CD200R1: variants seen among roughly 807,000 people sequenced by gnomAD.
CD200R1 encodes the protein cell surface glycoprotein CD200 receptor 1.
In CD200R1, 30 loss-of-function variants were observed where a neutral mutation model predicts 38.1. The observed-to-expected ratio is 0.79, with a 90% CI of 0.59 to 1.07. CD200R1 has a LOEUF of 1.07. CD200R1 is among the 50% of genes least tolerant of loss of function. The pLI is 0.00. For synonymous variants in CD200R1, 128 were observed against 152.1 expected, an observed-to-expected ratio of 0.84 and a Z score of 1.16; for missense variants, 372 against 415.4, an observed-to-expected ratio of 0.90 and a Z score of 0.91.
At chr3:112,948,833 C>A (rs1338592745) in intron 1 of CD200R1, among the ~76,000 whole-genome samples, 3 of 152,184 alleles carry the variant, frequency 2.0e-5, no homozygotes, top group Non-Finnish European at 4.4e-5. Flanking sequence ...ACAGAGATAT[C>A]ATAATAAACA....
At chr3:112,963,403 C>T (rs781133277) in intron 1 of CD200R1, among the ~76,000 whole-genome samples, 49 of 152,288 alleles carry the variant, frequency 3.2e-4, no homozygotes, top group Non-Finnish European at 5.4e-4. Context: ...GGCCAAAATG[C>T]TGATAATGAT....
intron 1 of CD200R1, among the ~76,000 whole-genome samples, chr3:112,969,622 G>A (rs1182284765): frequency 6.6e-6 from 1 of 152,124 alleles, no homozygotes; most frequent in Non-Finnish European, 1.5e-5. Context: ...CATATCCAAC[G>A]ACTGATTTAG....
intron 5 of CD200R1, among the ~76,000 whole-genome samples, chr3:112,926,921 C>A (rs1336853207): frequency 6.6e-6 from 1 of 151,928 alleles, no homozygotes; most frequent in Non-Finnish European, 1.5e-5. Flanking sequence ...TTAGTATACA[C>A]AAAACTCCAG....
chr3:112,938,697 T>C (rs1301890274), intron 2 of CD200R1, among the ~76,000 whole-genome samples: 2 of 152,034 alleles, frequency 1.3e-5, no homozygotes, highest in Non-Finnish European at 2.9e-5. Context: ...TACCAGTCCT[T>C]GATACACAGA....
chr3:112,928,819 G>A lies in CD200R1; in HGVS notation c.766C>T (p.Pro256Ser), dbSNP rs891783770. The A allele has an allele frequency of 1.9e-6, 3 of 1,606,288 alleles. No homozygotes were observed. The highest frequency in any genetic ancestry group is 1.7e-5 in the Admixed American group (1 of 59,646). Residue 256 changes from proline (P) to serine (S), a missense_variant, in exon 5 of 8, where the codon CCT (proline) becomes TCT (serine). By Grantham distance (74) the Pro-to-Ser change is moderately conservative. Coordinates refer to ENST00000308611, the MANE Select transcript of CD200R1 (RefSeq NM_138806.4). ...TAAAACTAAAAGAATTACTGACCAG[G>A]AAGTAGCTCTATGTACAGACTCTTG... ...GNKSLYIELL[P>S]VPGAKKSAKL...
intron 2 of CD200R1, among the ~76,000 whole-genome samples, chr3:112,947,379 G>C (rs1030347557): frequency 2.6e-5 from 4 of 152,074 alleles, no homozygotes; most frequent in African/African-American, 4.8e-5. Context: ...TTGCACATGT[G>C]GGGGCAGAGG....
chr3:112,948,795 C>A (rs1309424361), intron 1 of CD200R1, among the ~76,000 whole-genome samples: 2 of 152,150 alleles, frequency 1.3e-5, no homozygotes. Context: ...TTTTAAGCAG[C>A]AATTATTGGC....
intron 5 of CD200R1, among the ~76,000 whole-genome samples, chr3:112,926,997 C>T (rs1472720916): frequency 6.6e-6 from 1 of 151,996 alleles, no homozygotes; most frequent in Non-Finnish European, 1.5e-5. Flanking sequence ...AAGTGTGGGG[C>T]TAAAAGTTGA....
At chr3:112,966,571 G>T (rs1316239405) in intron 1 of CD200R1, among the ~76,000 whole-genome samples, 1 of 152,052 alleles carries the variant, frequency 6.6e-6, no homozygotes, top group African/African-American at 2.4e-5. Flanking sequence ...TTATGTAATG[G>T]ATAAACCTTT....
At chr3:112,930,070 C>A (rs1442768736) in intron 3 of CD200R1, among the ~76,000 whole-genome samples, 1 of 149,646 alleles carries the variant, frequency 6.7e-6, no homozygotes, top group African/African-American at 2.5e-5. Context: ...TTTTTAAGTT[C>A]TTTTTTTTAA....
At chr3:112,972,672 T>C (rs1933340125) in intron 1 of CD200R1, among the ~76,000 whole-genome samples, 1 of 152,174 alleles carries the variant, frequency 6.6e-6, no homozygotes, top group Admixed American at 6.5e-5. Flanking sequence ...CTTAGGTTTT[T>C]TCTGGATAAA....
At chr3:112,925,766 G>A (rs920282777) in intron 5 of CD200R1, among the ~76,000 whole-genome samples, 4 of 151,976 alleles carry the variant, frequency 2.6e-5, no homozygotes, top group African/African-American at 9.7e-5. Context: ...AAAAATTAAT[G>A]TCTACTAAAA....
rs1356007688 is a variant in CD200R1, at chr3:112,929,196, C to G, written c.514G>C (p.Val172Leu). 2.5e-6 allele frequency: 4 copies of G among 1,614,052 alleles called. No homozygotes were observed. The Admixed American group carries it at 6.7e-5, about 27-fold the overall frequency. The change falls in exon 4 of 8, where the codon GTG (valine) becomes CTG (leucine). Residue 172 changes from valine (V) to leucine (L), a missense_variant. Val to Leu is a conservative substitution (Grantham distance 32, BLOSUM62 1). Coordinates refer to ENST00000308611, the MANE Select transcript of CD200R1 (RefSeq NM_138806.4). Reference protein sequence around the residue: ...GNFHRGYHLQVLVTPEVTLFQ... With the variant: ...GNFHRGYHLQLLVTPEVTLFQ... ...AATATATGATGCTCCTTACCTAACA[C>G]TTGGAGGTGATATCCACGATGGAAA...
intron 1 of CD200R1, among the ~76,000 whole-genome samples, chr3:112,956,537 CTT>C: frequency 6.6e-6 from 1 of 152,272 alleles, no homozygotes; most frequent in South Asian, 2.1e-4. Context: ...GTCACTATCA[CTT>C]TGTTTTGTCT....
At chr3:112,943,145 TAG>T (rs1278692827) in intron 2 of CD200R1, among the ~76,000 whole-genome samples, 4 of 151,758 alleles carry the variant, frequency 2.6e-5, no homozygotes, top group African/African-American at 7.2e-5. Context: ...CTGACATCTA[TAG>T]ATGACTTTTT....
chr3:112,937,231 A>C (rs757253127), intron 2 of CD200R1, among the ~76,000 whole-genome samples: 26 of 152,134 alleles, frequency 1.7e-4, no homozygotes, highest in Non-Finnish European at 4.4e-5. Flanking sequence ...ATCTCATGAG[A>C]ATTCACTCAC....
intron 2 of CD200R1, among the ~76,000 whole-genome samples, chr3:112,945,607 G>C (rs550414955): frequency 6.6e-6 from 1 of 152,218 alleles, no homozygotes; most frequent in East Asian, 1.9e-4. Context: ...AACACTCCTA[G>C]AAGGTAACAT....
chr3:112,923,887 A>G (rs1224621352), intron 7 of CD200R1, 88 bp from the exon 8 acceptor site: 1 of 768,878 alleles, frequency 1.3e-6, no homozygotes, highest in Non-Finnish European at 2.1e-6. Context: ...TAGCTTTAGT[A>G]TTTCTAACAG....
rs1940185064 is a variant in CD200R1 at position 112,922,263 on chromosome 3, C to T, written c.*1414G>A. The stretch of plus-strand genomic sequence containing the variant: ...GAATATATTTTGTTTCAATTTCTAT[C>T]ATGATGAAAAAACTTCTCATGTTTT... On this transcript the variant is annotated 3_prime_UTR_variant, in exon 8 of 8. Coordinates refer to ENST00000308611, the MANE Select transcript of CD200R1 (RefSeq NM_138806.4). 6.6e-6 allele frequency: 1 copy of T among 151,950 alleles called. No individual in the cohort carries two copies. The highest frequency in any genetic ancestry group is 1.5e-5 in the Non-Finnish European group (1 of 67,936). The allele number at this position is 151,950 out of a possible 1,614,324, so 9.4% of individuals were successfully genotyped here.
Sources: gnomAD v4.1 joint callset for allele counts (sites outside exome capture counted in the v4.1 genomes callset) on GRCh38, gnomAD v4.1.1 for gene constraint, MANE v1.5 for transcripts, NCBI Gene and HGNC (gene_info 2026-07-23, HGNC 2026-07-21) for gene names.